The following SLAIN2 variants were observed in gnomAD, a reference collection of about 807,000 sequenced individuals.
The protein encoded by SLAIN2 is SLAIN family member 2.
A neutral mutation model predicts 56.6 loss-of-function variants in SLAIN2; 31 were observed. The ratio of observed to expected loss-of-function variants is 0.55; its 90% confidence interval spans 0.41 to 0.74. The LOEUF is 0.74. Ranked by LOEUF, SLAIN2 falls within the 30% of genes least tolerant of loss-of-function variation. SLAIN2 has a pLI of 0.00. For missense variants in SLAIN2, 777 were observed against 754.2 expected (o/e 1.03, Z -0.35); for synonymous variants, 317 against 284.9 (o/e 1.11, Z -1.13).
At chr4:48,345,717 TA>T (rs1333629944) in intron 1 of SLAIN2, among the ~76,000 whole-genome samples, 1 of 151,904 alleles carries the variant, frequency 6.6e-6, no homozygotes, top group Non-Finnish European at 1.5e-5. Context: ...ATAAGGCTTT[TA>T]AATTTCCTTT....
chr4:48,384,130 A>G (rs141847404), intron 6 of SLAIN2, among the ~76,000 whole-genome samples: 467 of 152,316 alleles, frequency 3.1e-3, no homozygotes, highest in African/African-American at 0.011. Flanking sequence ...ATCCAAAAAT[A>G]TATGTCCCTT....
At chr4:48,380,359 C>T (rs1414243776) in intron 4 of SLAIN2, among the ~76,000 whole-genome samples, 1 of 152,086 alleles carries the variant, frequency 6.6e-6, no homozygotes, top group Non-Finnish European at 1.5e-5. Flanking sequence ...AATTTTTTCA[C>T]ACCCCAAGAA....
intron 6 of SLAIN2, among the ~76,000 whole-genome samples, chr4:48,414,077 T>TTA (rs908774337): frequency 6.6e-6 from 1 of 152,200 alleles, no homozygotes; most frequent in African/African-American, 2.4e-5. Context: ...GGAGATAACT[T>TTA]AGACACCAAG....
At chr4:48,394,088 G>A (rs138340059) in intron 6 of SLAIN2, among the ~76,000 whole-genome samples, 11 of 152,250 alleles carry the variant, frequency 7.2e-5, no homozygotes, top group Admixed American at 2.6e-4. Context: ...ATTGTGACTC[G>A]CCAAGGACCT....
At chr4:48,421,967 A>G (rs1193330737) in intron 7 of SLAIN2, 44 bp from the exon 8 acceptor site, 11 of 1,427,378 alleles carry the variant, frequency 7.7e-6, no homozygotes, top group Non-Finnish European at 1.1e-5. Context: ...ACTATTTCAT[A>G]AAGACATTTA....
intron 6 of SLAIN2, among the ~76,000 whole-genome samples, chr4:48,403,303 G>A (rs1210235463): frequency 1.3e-5 from 2 of 152,200 alleles, no homozygotes; most frequent in Admixed American, 6.5e-5. Context: ...TCCAGAGCCA[G>A]CAGGCTGGAA....
chr4:48,421,671 T>G (rs377713233), intron 7 of SLAIN2, among the ~76,000 whole-genome samples: 1 of 152,018 alleles, frequency 6.6e-6, no homozygotes, highest in Non-Finnish European at 1.5e-5. Context: ...ACACTGAGCT[T>G]CTAATATCAC....
intron 4 of SLAIN2, 141 bp downstream of exon 4, chr4:48,379,989 A>G: frequency 5.2e-6 from 4 of 768,450 alleles, no homozygotes; most frequent in Non-Finnish European, 7.8e-6. Context: ...AGACTTAGTC[A>G]ACATATGTAC....
At chr4:48,407,234 T>C (rs1716721360) in intron 6 of SLAIN2, among the ~76,000 whole-genome samples, 1 of 152,114 alleles carries the variant, frequency 6.6e-6, no homozygotes, top group Admixed American at 6.5e-5. Context: ...TTACATTATG[T>C]ATTGTGTATA....
chr4:48,424,672 T>C lies in SLAIN2; in HGVS notation c.*2595T>C, dbSNP rs1577745810. On this transcript the variant is annotated 3_prime_UTR_variant, in exon 8 of 8. Coordinates refer to ENST00000264313, the MANE Select transcript of SLAIN2 (RefSeq NM_020846.2). Reference sequence around the variant, plus strand: ...CACTCTCTGAAGAGTTGACTTTTTTTCAGTTTCGTATCCTGGAAATCACAT... The same window carrying C: ...CACTCTCTGAAGAGTTGACTTTTTTCCAGTTTCGTATCCTGGAAATCACAT... 1 of 152,110 alleles carries C rather than the reference T, an allele frequency of 6.6e-6. No individual in the cohort carries two copies. Among genetic ancestry groups the C allele is most frequent in the South Asian group, 2.1e-4 (1 of 4,820 alleles). The allele number at this position is 152,110 out of a possible 1,614,324, so 9.4% of individuals were successfully genotyped here. A position where few individuals can be genotyped will look rare whatever the true frequency, so the allele number is the denominator to read the frequency against.
intron 6 of SLAIN2, among the ~76,000 whole-genome samples, chr4:48,389,927 T>C (rs2109768508): frequency 6.6e-6 from 1 of 152,260 alleles, no homozygotes; most frequent in Admixed American, 6.5e-5. Flanking sequence ...AAGTTCACTC[T>C]GATATCAGTG....
chr4:48,403,345 C>T (rs967101551), intron 6 of SLAIN2, among the ~76,000 whole-genome samples: 1 of 152,098 alleles, frequency 6.6e-6, no homozygotes, highest in African/African-American at 2.4e-5. Context: ...AGACAGCGGT[C>T]GCTCCTCCTC....
chr4:48,420,419 G>A lies in SLAIN2; in HGVS notation c.1655G>A (p.Ser552Asn). 6.2e-7 allele frequency: 1 copy of A among 1,613,972 alleles called. No individual in the cohort carries two copies. The highest frequency in any genetic ancestry group is 8.5e-7 in the Non-Finnish European group (1 of 1,179,852). ...PSAGGIPVPR[S>N]KLAQPVRRSL... ...GCTGGGGGCATACCAGTGCCTCGCAGCAAACTTGCACAGCCTGTTCGCAGG... is the reference window on the plus strand; with the variant it reads ...GCTGGGGGCATACCAGTGCCTCGCAACAAACTTGCACAGCCTGTTCGCAGG... Residue 552 changes from serine to asparagine, a missense_variant, in exon 7 of 8, where the codon AGC becomes AAC. By Grantham distance (46) the Ser-to-Asn change is conservative. Coordinates refer to ENST00000264313, the MANE Select transcript of SLAIN2 (RefSeq NM_020846.2).
In SLAIN2 at chr4:48,412,402, AC is replaced by A. The variant is rs1560465833; in HGVS notation, c.1361-7722del. ...CACACACACACACACACACACACAC[AC>A]ACACACACACACATTCCCTCTCTCT... On this transcript the variant is annotated intron_variant, in intron 6 of 7. Coordinates refer to ENST00000264313, the MANE Select transcript of SLAIN2 (RefSeq NM_020846.2). 5.2e-3 allele frequency among the ~76,000 whole-genome samples: 318 copies of A among 60,754 alleles called. 8 individuals carry two copies. The highest frequency in any genetic ancestry group is 0.015 in the African/African-American group (302 of 19,930). 39.9% of individuals were successfully genotyped at this position (60,754 alleles called of 152,430 possible).
intron 1 of SLAIN2, among the ~76,000 whole-genome samples, chr4:48,361,505 C>G (rs1434191679): frequency 6.6e-6 from 1 of 152,126 alleles, no homozygotes; most frequent in Non-Finnish European, 1.5e-5. Context: ...GAAACTGGCA[C>G]AGAATTTTTA....
At chr4:48,394,761 T>C in intron 6 of SLAIN2, 2 of 744,858 alleles carry the variant, frequency 2.7e-6, no homozygotes, top group Admixed American at 6.0e-5. Flanking sequence ...ATTTTAGTCT[T>C]ATTTTAAAGA....
At chr4:48,419,576 G>GT (rs143313286) in intron 6 of SLAIN2, among the ~76,000 whole-genome samples, 4,525 of 152,122 alleles carry the variant, frequency 0.03, 73 homozygotes, top group Admixed American at 0.046. Context: ...CTTTTTGTTT[G>GT]TTTTTTCATC....
At position 48,379,741 on chromosome 4, in the gene SLAIN2, T is replaced by C. The variant is rs767597578; in HGVS notation, c.755T>C (p.Ile252Thr). Reference protein sequence around the residue: ...RNPPLSPQSSIDSELSASELD... With the variant: ...RNPPLSPQSSTDSELSASELD... Reference sequence around the variant, plus strand: ...CCTCCACTCAGTCCTCAGTCCTCTATAGATAGTGAGTTAAGTGCTTCAGAA... The same window carrying C: ...CCTCCACTCAGTCCTCAGTCCTCTACAGATAGTGAGTTAAGTGCTTCAGAA... The change falls in exon 4 of 8, where the codon ATA (isoleucine) becomes ACA (threonine). Residue 252 changes from isoleucine (I) to threonine (T), a missense_variant. Ile to Thr is a moderately conservative substitution (Grantham distance 89, BLOSUM62 -1). Coordinates refer to ENST00000264313, the MANE Select transcript of SLAIN2 (RefSeq NM_020846.2). 1 of 1,592,076 alleles carries C rather than the reference T, an allele frequency of 6.3e-7. No homozygotes were observed. The highest frequency in any genetic ancestry group is 2.3e-5 in the East Asian group (1 of 43,672).
intron 6 of SLAIN2, 84 bp downstream of exon 6, chr4:48,383,868 G>GT (rs1716036484): frequency 7.7e-6 from 11 of 1,436,820 alleles, no homozygotes; most frequent in Non-Finnish European, 9.4e-6. Context: ...CTGAAAAACC[G>GT]TTTTTTATGC....
Sources: allele counts gnomAD v4.1 joint callset (sites outside exome capture counted in the v4.1 genomes callset), GRCh38; gene constraint gnomAD v4.1.1; transcripts MANE v1.5; gene names NCBI Gene and HGNC (gene_info 2026-07-23, HGNC 2026-07-21).